Variants in B9D1 observed in about 807,000 individuals in gnomAD.
The protein encoded by B9D1 is B9 domain-containing protein 1.
A neutral mutation model predicts 26.1 loss-of-function variants in B9D1; 20 were observed. The observed-to-expected ratio is 0.77, with a 90% CI of 0.54 to 1.12. The LOEUF (loss-of-function observed/expected upper bound fraction) is 1.12. Among genes scored for constraint, B9D1 ranks in the 50% most tolerant of loss-of-function variants. The pLI, the probability that B9D1 is intolerant of heterozygous loss-of-function variation, is 0.00. For missense variants in B9D1, 260 were observed against 273.7 expected (o/e 0.95, Z 0.35); for synonymous variants, 105 against 103.1 (o/e 1.02, Z -0.11).
chr17:19,340,699 G>T (rs945340583), downstream of B9D1, among the ~76,000 whole-genome samples: 1 of 148,314 alleles, frequency 6.7e-6, no homozygotes, highest in Admixed American at 6.9e-5. Context: ...TGAGGCAGGA[G>T]AATCACTTGA....
upstream of B9D1, chr17:19,364,727 C>A (rs186609420): frequency 6.5e-6 from 1 of 153,044 alleles, no homozygotes; most frequent in African/African-American, 2.4e-5. The surrounding 1 kb of genome is among the most constrained non-coding windows in gnomAD (Gnocchi z 4.3). Flanking sequence ...AGTCTCTCCA[C>A]CCCCAGATGC....
chr17:19,357,770 G>A, intron 3 of B9D1, 70 bp downstream of exon 3: 1 of 1,116,036 alleles, frequency 9.0e-7, no homozygotes, highest in Non-Finnish European at 1.4e-6. Flanking sequence ...GCTGGATGAG[G>A]CAGAGGCTGT....
intron 2 of B9D1, 147 bp downstream of exon 2, chr17:19,360,173 G>A (rs1024162673): frequency 3.4e-5 from 26 of 770,006 alleles, no homozygotes; most frequent in Non-Finnish European, 5.4e-5. Flanking sequence ...CTCTGCTCCC[G>A]CTTTACCAGG....
At chr17:19,335,273 G>A, downstream of B9D1, 1 of 847,906 alleles carries the variant, frequency 1.2e-6, no homozygotes, top group South Asian at 2.3e-5. Context: ...TTGACTTTCA[G>A]CCTTTTTGGC....
intron 6 of B9D1, 105 bp from the exon 7 acceptor site, chr17:19,343,566 A>G: frequency 1.3e-5 from 21 of 1,585,162 alleles, no homozygotes; most frequent in Non-Finnish European, 1.6e-5. Context: ...AAATGGGGAC[A>G]ACAGTGCCTG....
Position 19,354,422 on chromosome 17 carries a change from A to G in B9D1, c.244+3418T>C, listed in dbSNP as rs532983930. ...TGCATGTCAGCAAATAGAGCTCAAT[A>G]TTTGTTCACAGTTCTTTTGAGATAA... On this transcript the variant is annotated intron_variant, in intron 3 of 6. Transcript: ENST00000261499. Among the ~76,000 whole-genome samples, 7 of 152,344 alleles carry G rather than the reference A, an allele frequency of 4.6e-5. No homozygotes were observed. The East Asian group carries it at 1.3e-3, about 29-fold the overall frequency.
In B9D1 at chr17:19,362,699, C is replaced by G. The variant is rs568876441; in HGVS notation, c.-130G>C. 8.5e-6 allele frequency: 13 copies of G among 1,534,546 alleles called. No homozygotes were observed. The African/African-American group carries it at 1.8e-4, about 21-fold the overall frequency. On this transcript the variant is annotated 5_prime_UTR_variant, in exon 1 of 7. Transcript: ENST00000261499. ...CTTGGCAGCGACACCTTCGCGAAGGCCACGCGAGTGCGCGTGTGGCATGCG... is the reference window on the plus strand; with the variant it reads ...CTTGGCAGCGACACCTTCGCGAAGGGCACGCGAGTGCGCGTGTGGCATGCG...
rs117055930 is a variant in B9D1 at position 19,344,790 on chromosome 17, C to T, written c.405-933G>A. On this transcript the variant is annotated intron_variant, in intron 5 of 6. Transcript: ENST00000261499. The stretch of plus-strand genomic sequence containing the variant: ...GGGGCCCAGGCCAGGGAGGGGCTCT[C>T]AGCTGCCGCAGAGTTGGCCTGTGGA... 6.4e-3 allele frequency among the ~76,000 whole-genome samples: 982 copies of T among 152,354 alleles called. 53 individuals are homozygous for T. The East Asian group carries it at 0.12, about 18-fold the overall frequency.
At chr17:19,375,294 A>G (rs1912052712) in intron 1 of B9D1, among the ~76,000 whole-genome samples, 2 of 146,304 alleles carry the variant, frequency 1.4e-5, no homozygotes, top group Admixed American at 6.8e-5. Flanking sequence ...TCTCAAAAAG[A>G]AAAAAAAAAA....
At chr17:19,360,443 A>ACC in intron 1 of B9D1, 55 bp from the exon 2 acceptor site, 1 of 1,525,156 alleles carries the variant, frequency 6.6e-7, no homozygotes, top group Non-Finnish European at 9.1e-7. Context: ...AGGCCAATGC[A>ACC]TTTGCTAGGC....
In B9D1 at chr17:19,359,805, CCTTTT is replaced by C. The variant is rs1302892974; in HGVS notation, c.132+510_132+514del. ...CAGAGAGCTTAAATAAGTTCAGTCTCCTTTTCTTAAACTGCTATGAAGATGAAACA... is the reference window on the plus strand; with the variant it reads ...CAGAGAGCTTAAATAAGTTCAGTCTCCTTAAACTGCTATGAAGATGAAACA... On this transcript the variant is annotated intron_variant, in intron 2 of 6. Coordinates refer to ENST00000261499, the MANE Select transcript of B9D1 (RefSeq NM_015681.6). The surrounding 1 kb of genome is among the most constrained non-coding windows in gnomAD (Gnocchi z 5.0). 6.6e-6 allele frequency among the ~76,000 whole-genome samples: 1 copy of C among 152,226 alleles called. No individual in the cohort carries two copies. Among genetic ancestry groups the C allele is most frequent in the Non-Finnish European group, 1.5e-5 (1 of 68,042 alleles).
chr17:19,353,017 C>T (rs1355245911), intron 3 of B9D1, among the ~76,000 whole-genome samples: 1 of 151,422 alleles, frequency 6.6e-6, no homozygotes, highest in East Asian at 2.0e-4. Flanking sequence ...CACTCTGTCG[C>T]CAGGCTGGAG....
In B9D1 at chr17:19,353,797, G is replaced by A. The variant is rs760735464; in HGVS notation, c.244+4043C>T. Among the ~76,000 whole-genome samples the A allele has an allele frequency of 5.9e-5, 9 of 152,058 alleles. No individual in the cohort carries two copies. In the South Asian group the frequency reaches 6.3e-4, roughly 11 times the overall value. ...CTCTACTAAAAATACAAAATTAGCCGGGCGTGGTGGTACATGCCTGTAATC... is the reference window on the plus strand; with the variant it reads ...CTCTACTAAAAATACAAAATTAGCCAGGCGTGGTGGTACATGCCTGTAATC... On this transcript the variant is annotated intron_variant, in intron 3 of 6. Coordinates refer to ENST00000261499, the MANE Select transcript of B9D1 (RefSeq NM_015681.6).
At chr17:19,363,416 G>T (rs750602660), upstream of B9D1, among the ~76,000 whole-genome samples, 1 of 152,258 alleles carries the variant, frequency 6.6e-6, no homozygotes, top group Non-Finnish European at 1.5e-5. Context: ...CTGTCACAGA[G>T]TAAGCACTTG....
chr17:19,362,657 G>A lies in B9D1; in HGVS notation c.-88C>T. The A allele has an allele frequency of 6.4e-7, 1 of 1,551,220 alleles. No individual in the cohort carries two copies. ...CGTTGCCCTAGAAACAGACGGCGTA[G>A]CGCGCAGGACACGTTTCTTGGCAGC... is the stretch of plus-strand genomic sequence containing the variant. On this transcript the variant is annotated 5_prime_UTR_variant, in exon 1 of 7. Transcript: ENST00000261499.
In B9D1 at chr17:19,374,675, T is replaced by C. The variant is rs577829797; in HGVS notation, c.-298+3184A>G. Among the ~76,000 whole-genome samples, 81 of 152,334 alleles carry C rather than the reference T, an allele frequency of 5.3e-4. No homozygotes were observed. The Middle Eastern group carries it at 0.014, about 26-fold the overall frequency. On this transcript the variant is annotated intron_variant, in intron 1 of 5. Coordinates refer to the B9D1 transcript ENST00000477478. ...TAGGGGGTCTTGGTTAAATAGGTTA[T>C]ATTCGTAAAGGAATATCATGCAGCT... is the stretch of plus-strand genomic sequence containing the variant.
At chr17:19,348,464 TAGGAGCCGGCCTGAC>T (rs1909157193) in intron 3 of B9D1, among the ~76,000 whole-genome samples, 1 of 152,208 alleles carries the variant, frequency 6.6e-6, no homozygotes, top group Non-Finnish European at 1.5e-5. Context: ...AGGGAGGGAC[TAGGAGCCGGCCTGAC>T]AGGCTCTGAT....
downstream of B9D1, chr17:19,335,308 T>C: frequency 7.8e-7 from 1 of 1,280,534 alleles, no homozygotes; most frequent in Non-Finnish European, 1.1e-6. Flanking sequence ...CTATTTTTCT[T>C]ACGAATATAC....
chr17:19,335,705 T>C (rs984827741), downstream of B9D1: 19 of 384,084 alleles, frequency 4.9e-5, no homozygotes, highest in Non-Finnish European at 7.4e-5. Context: ...CTAAAAATAA[T>C]TCTCTTGTAT....
Sources: gnomAD v4.1 joint callset for allele counts (sites outside exome capture counted in the v4.1 genomes callset) on GRCh38, gnomAD v4.1.1 for gene constraint, Gnocchi (gnomAD v3.1) non-coding constraint, MANE v1.5 for transcripts, NCBI Gene and HGNC (gene_info 2026-07-23, HGNC 2026-07-21) for gene names.